HSP90AA1: variants seen among roughly 807,000 people sequenced by gnomAD.
HSP90AA1 encodes heat shock protein HSP 90-alpha.
A neutral mutation model predicts 73.3 loss-of-function variants in HSP90AA1; 18 were observed. That is an observed-to-expected ratio of 0.25 (90% CI 0.17 to 0.36). The LOEUF is 0.36. HSP90AA1 is among the 10% of genes least tolerant of loss of function. The pLI is 1.00. For synonymous variants in HSP90AA1, 477 were observed against 296.9 expected (o/e 1.61, Z -6.24); for missense variants, 704 against 874.2 (o/e 0.81, Z 2.45).
chr14:102,091,328 G>A (rs1038267930), upstream of HSP90AA1, among the ~76,000 whole-genome samples: 2 of 151,996 alleles, frequency 1.3e-5, no homozygotes, highest in African/African-American at 2.4e-5. Flanking sequence ...GTTTTATCCT[G>A]ATAAACAGTC....
At position 102,136,609 on chromosome 14, in the gene HSP90AA1, C is replaced by T. The variant is rs1395398241; in HGVS notation, c.155+2641G>A. 6.8e-5 allele frequency among the ~76,000 whole-genome samples: 10 copies of T among 147,692 alleles called. No individual in the cohort carries two copies. The East Asian group carries it at 1.4e-3, about 21-fold the overall frequency. On this transcript the variant is annotated intron_variant, in intron 1 of 11. Transcript: ENST00000334701. Reference sequence around the variant, plus strand: ...AAAAAAAGAAATACCCGGTTTGGGCCGGGCGCGGTGGCTCACGCCTATAAT... The same window carrying T: ...AAAAAAAGAAATACCCGGTTTGGGCTGGGCGCGGTGGCTCACGCCTATAAT...
intron 1 of HSP90AA1, among the ~76,000 whole-genome samples, chr14:102,129,943 C>T (rs1164954297): frequency 6.6e-6 from 1 of 151,964 alleles, no homozygotes; most frequent in East Asian, 1.9e-4. Flanking sequence ...TGAACATTCA[C>T]GTATAAGTTT....
chr14:102,086,681 G>A (rs998424695), intron 1 of HSP90AA1, among the ~76,000 whole-genome samples: 1 of 150,746 alleles, frequency 6.6e-6, no homozygotes, highest in African/African-American at 2.4e-5. Context: ...GGCCTCCTCC[G>A]CCTGCGCCCC....
chr14:102,139,157 C>A (rs2050149462), intron 1 of HSP90AA1: 4 of 1,461,520 alleles, frequency 2.7e-6, no homozygotes, highest in Non-Finnish European at 3.8e-6. Context: ...GGATATCTGG[C>A]TTGAGAACAC....
Position 102,085,760 on chromosome 14 carries a change from G to A in HSP90AA1, c.527C>T (p.Thr176Ile). ...CCAGTGAATGTTCAGGTGCCTACCT[G>A]TGTCTGTCCTCACTGTGAATGATCC... Reference protein sequence around the residue: ...AGGSFTVRTDTGEPMGRGTKV... With the variant: ...AGGSFTVRTDIGEPMGRGTKV... Residue 176 changes from threonine (T) to isoleucine (I), a missense_variant and splice_region_variant, in exon 3 of 11, where the codon ACA (threonine) becomes ATA (isoleucine). By Grantham distance (89) the Thr-to-Ile change is moderately conservative. Coordinates refer to ENST00000216281, the MANE Select transcript of HSP90AA1 (RefSeq NM_005348.4). 2 of 1,613,986 alleles carry A rather than the reference G, an allele frequency of 1.2e-6. No individual in the cohort carries two copies. Among genetic ancestry groups the A allele is most frequent in the South Asian group, 2.2e-5 (2 of 91,074 alleles).
At position 102,105,443 on chromosome 14, in the gene HSP90AA1, C is replaced by T. The variant is rs548518753; in HGVS notation, c.156-3358G>A. 5.3e-5 allele frequency among the ~76,000 whole-genome samples: 8 copies of T among 152,172 alleles called. No individual in the cohort carries two copies. The East Asian group carries it at 5.8e-4, about 11-fold the overall frequency. On this transcript the variant is annotated intron_variant, in intron 1 of 11. Transcript: ENST00000334701. Reference sequence around the variant, plus strand: ...GAAAAGGCTTCCCAAAGGCAAATGGCGCCTGAACTGAGTAGTAAGGAACAA... The same window carrying T: ...GAAAAGGCTTCCCAAAGGCAAATGGTGCCTGAACTGAGTAGTAAGGAACAA...
At chr14:102,083,442 G>A (rs867592707) in intron 8 of HSP90AA1, 104 bp downstream of exon 8, 3 of 1,415,744 alleles carry the variant, frequency 2.1e-6, no homozygotes, top group East Asian at 4.6e-5. Flanking sequence ...ATCTTGCCTA[G>A]ATCAATACCA....
intron 2 of HSP90AA1, among the ~76,000 whole-genome samples, chr14:102,095,904 T>C (rs934668301): frequency 6.6e-6 from 1 of 152,206 alleles, no homozygotes; most frequent in Non-Finnish European, 1.5e-5. Flanking sequence ...CACTTCCCAG[T>C]GCAGAAAACC....
rs765314554 is a variant in HSP90AA1, at chr14:102,084,572, A to G, written c.982-8T>C. 2.5e-6 allele frequency: 4 copies of G among 1,614,096 alleles called. No homozygotes were observed. Among genetic ancestry groups the G allele is most frequent in the African/African-American group, 2.7e-5 (2 of 74,948 alleles). On this transcript the variant is annotated splice_region_variant and splice_polypyrimidine_tract_variant and intron_variant, in intron 5 of 10. Transcript: ENST00000216281. Reference sequence around the variant, plus strand: ...TCCTTCAACTGAAAAATGCTGTAATAAAACAGATACACTAAGTACCAATGA... The same window carrying G: ...TCCTTCAACTGAAAAATGCTGTAATGAAACAGATACACTAAGTACCAATGA...
chr14:102,097,073 C>T (rs1478903555), intron 2 of HSP90AA1, among the ~76,000 whole-genome samples: 1 of 152,066 alleles, frequency 6.6e-6, no homozygotes, highest in Non-Finnish European at 1.5e-5. Flanking sequence ...CTGCAACCTC[C>T]ACCTCCTGGG....
intron 1 of HSP90AA1, chr14:102,139,103 G>A: frequency 1.0e-6 from 1 of 996,724 alleles, no homozygotes; most frequent in Non-Finnish European, 1.6e-6. Context: ...ACAAACCTCC[G>A]CTAAGAAGCG....
upstream of HSP90AA1, among the ~76,000 whole-genome samples, chr14:102,087,349 C>T (rs527370793): frequency 1.5e-4 from 22 of 151,272 alleles, no homozygotes; most frequent in African/African-American, 4.6e-4. Context: ...CGGGCGCCTT[C>T]TGGGGCCGCC....
chr14:102,108,884 C>T (rs541379300), intron 1 of HSP90AA1, among the ~76,000 whole-genome samples: 109 of 152,162 alleles, frequency 7.2e-4, no homozygotes, highest in Non-Finnish European at 1.2e-3. Context: ...TTTCAATACA[C>T]TGTTGAACAG....
chr14:102,137,280 A>T (rs2050013836), intron 1 of HSP90AA1, among the ~76,000 whole-genome samples: 1 of 151,832 alleles, frequency 6.6e-6, no homozygotes, highest in Non-Finnish European at 1.5e-5. Context: ...TTTGAAATTG[A>T]AAATCAGAAA....
upstream of HSP90AA1, chr14:102,087,065 G>A (rs2152613944): frequency 4.1e-6 from 4 of 984,920 alleles, no homozygotes; most frequent in Non-Finnish European, 4.8e-6. Flanking sequence ...CCCCGCGCCT[G>A]CCTTATATAG....
chr14:102,103,180 CAAAAAAAAAAAAA>C (rs898771022), intron 1 of HSP90AA1, among the ~76,000 whole-genome samples: 4,115 of 37,530 alleles, frequency 0.11, 317 homozygotes, highest in African/African-American at 0.27. Flanking sequence ...GACTCAGTCT[CAAAAAAAAAAAAA>C]AAAAAAAAAA....
intron 1 of HSP90AA1, among the ~76,000 whole-genome samples, chr14:102,123,323 G>A (rs765876979): frequency 1.3e-5 from 2 of 152,072 alleles, no homozygotes; most frequent in South Asian, 4.1e-4. Flanking sequence ...AACCTGGGAG[G>A]CAGTAGTGAG....
At chr14:102,090,824 C>A (rs991836630), upstream of HSP90AA1, among the ~76,000 whole-genome samples, 3 of 152,364 alleles carry the variant, frequency 2.0e-5, no homozygotes, top group African/African-American at 7.2e-5. Context: ...CCTCGTCCCA[C>A]AGTGATGTTG....
At chr14:102,087,940 T>TG (rs1566722885), upstream of HSP90AA1, among the ~76,000 whole-genome samples, 1 of 133,944 alleles carries the variant, frequency 7.5e-6, no homozygotes, top group Non-Finnish European at 1.6e-5. Flanking sequence ...GGTTTTTTTT[T>TG]TTTTTTTTTT....
Sources: gnomAD v4.1 joint callset for allele counts (sites outside exome capture counted in the v4.1 genomes callset) on GRCh38, gnomAD v4.1.1 for gene constraint, MANE v1.5 for transcripts, NCBI Gene and HGNC (gene_info 2026-07-23, HGNC 2026-07-21) for gene names.